ABCC6: variants seen among roughly 807,000 people sequenced by gnomAD.
ABCC6 encodes the protein ATP binding cassette subfamily C member 6.
A neutral mutation model predicts 169.5 loss-of-function variants in ABCC6; 126 were observed. That is an observed-to-expected ratio of 0.74 (90% CI 0.64 to 0.86). ABCC6 has a LOEUF of 0.86. ABCC6 is among the 40% of genes least tolerant of loss of function. ABCC6 has a pLI of 0.00. For missense variants in ABCC6, 1,733 were observed against 1,927.2 expected, an observed-to-expected ratio of 0.90 and a Z score of 1.89; for synonymous variants, 752 against 814.7, an observed-to-expected ratio of 0.92 and a Z score of 1.31.
At chr16:16,166,984 C>T (rs2046899275) in intron 22 of ABCC6, among the ~76,000 whole-genome samples, 1 of 152,240 alleles carries the variant, frequency 6.6e-6, no homozygotes, top group Non-Finnish European at 1.5e-5. Flanking sequence ...GACTTCAGGC[C>T]TCAGAACTGC....
Position 16,188,818 on chromosome 16 carries a change from G to A in ABCC6, c.1779+13C>T, listed in dbSNP as rs1246644136. 4.3e-6 allele frequency: 7 copies of A among 1,611,844 alleles called. No homozygotes were observed. Among genetic ancestry groups the A allele is most frequent in the Non-Finnish European group, 5.9e-6 (7 of 1,179,118 alleles). On this transcript the variant is annotated intron_variant, in intron 13 of 30. Transcript: ENST00000205557. ...CTCTCCCAGGATGGCTCCAGCCCTT[G>A]CACCCACCTCACCTGGACGAGGGAG...
intron 7 of ABCC6, among the ~76,000 whole-genome samples, chr16:16,207,026 G>C (rs1242853920): frequency 6.6e-6 from 1 of 152,208 alleles, no homozygotes; most frequent in African/African-American, 2.4e-5. Flanking sequence ...TGTGGTCCCA[G>C]CTACTCAGAA....
intron 17 of ABCC6, among the ~76,000 whole-genome samples, chr16:16,180,301 C>A (rs1480250586): frequency 1.3e-5 from 2 of 152,142 alleles, no homozygotes; most frequent in African/African-American, 4.8e-5. Flanking sequence ...ATGATCAAAT[C>A]AGGGTAACTG....
intron 21 of ABCC6, among the ~76,000 whole-genome samples, chr16:16,170,943 AAAG>A (rs869041943): frequency 0.11 from 9,854 of 91,610 alleles, 1,363 homozygotes; most frequent in South Asian, 0.14. Context: ...AAAAAAAAAG[AAAG>A]AAAGAAAGAA....
At position 16,178,950 on chromosome 16, in the gene ABCC6, C is replaced by T. The variant is rs72653787; in HGVS notation, c.2263G>A (p.Gly755Arg). The T allele has an allele frequency of 2.2e-5, 36 of 1,612,758 alleles. No homozygotes were observed. Among genetic ancestry groups the T allele is most frequent in the South Asian group, 9.9e-5 (9 of 91,056 alleles). Residue 755 changes from glycine to arginine, a missense_variant, in exon 18 of 31, where the codon GGA becomes AGA. Physicochemically the swap from Gly to Arg is moderately radical, Grantham distance 125. This residue lies in a region of ABCC6 where 1,601 missense variants were observed against 1,635.5 expected (regional missense o/e 0.98). Transcript: ENST00000205557. ...AGGCTCAGCCGCTGCTTCTGGCCTCCGGAGAGATTCATGCCCTGTGGCCAC... is the reference window on the plus strand; with the variant it reads ...AGGCTCAGCCGCTGCTTCTGGCCTCTGGAGAGATTCATGCCCTGTGGCCAC... ...SIGEQGMNLS[G>R]GQKQRLSLAR...
chr16:16,159,587 G>A lies in ABCC6; in HGVS notation c.3634-4C>T, dbSNP rs546587473. On this transcript the variant is annotated splice_polypyrimidine_tract_variant and splice_region_variant and intron_variant, in intron 25 of 30. Transcript: ENST00000205557. ...CCCACTGCAGTGTCTGGGTCACCTG[G>A]TGCAAGAAAGCCTCTCTGGCTGGGT... is the stretch of plus-strand genomic sequence containing the variant. 1.1e-5 allele frequency: 18 copies of A among 1,613,970 alleles called. No individual in the cohort carries two copies. In the African/African-American group the frequency reaches 2.0e-4, roughly 18 times the overall value.
At chr16:16,194,307 A>C (rs1438034748) in intron 10 of ABCC6, among the ~76,000 whole-genome samples, 1 of 152,236 alleles carries the variant, frequency 6.6e-6, no homozygotes, top group Non-Finnish European at 1.5e-5. Context: ...CATCATACAG[A>C]ATGCCCAGTT....
intron 26 of ABCC6, among the ~76,000 whole-genome samples, chr16:16,159,179 AC>A (rs1482279050): frequency 2.6e-5 from 4 of 152,008 alleles, no homozygotes; most frequent in Admixed American, 2.6e-4. Flanking sequence ...CCATTATGTT[AC>A]TATCATGTTG....
chr16:16,170,161 C>G (rs570638638), intron 21 of ABCC6, among the ~76,000 whole-genome samples: 1 of 151,290 alleles, frequency 6.6e-6, no homozygotes, highest in Non-Finnish European at 1.5e-5. Context: ...AGTACACTGG[C>G]ATGATCATGG....
In ABCC6 at chr16:16,165,485, C is replaced by T. The variant is rs2046844342; in HGVS notation, c.3306+138G>A. The T allele has an allele frequency of 6.9e-6, 6 of 867,876 alleles. No homozygotes were observed. The Admixed American group carries it at 7.1e-5, about 10-fold the overall frequency. 53.8% of individuals were successfully genotyped at this position (867,876 alleles called of 1,614,324 possible). ...GGAGATACCAGAAAGACTGTAGTGT[C>T]CCTGTCCCTGGGAATTCTAGGAACA... is the stretch of plus-strand genomic sequence containing the variant. On this transcript the variant is annotated intron_variant, in intron 23 of 30. Transcript: ENST00000205557.
At chr16:16,204,181 G>A (rs1422693483) in intron 7 of ABCC6, among the ~76,000 whole-genome samples, 1 of 151,802 alleles carries the variant, frequency 6.6e-6, no homozygotes, top group Non-Finnish European at 1.5e-5. Context: ...TCAGCCTCTC[G>A]AGTAGCTGGG....
At chr16:16,201,127 T>C (rs1304724966) in intron 9 of ABCC6, among the ~76,000 whole-genome samples, 1 of 152,136 alleles carries the variant, frequency 6.6e-6, no homozygotes, top group African/African-American at 2.4e-5. Context: ...CCACCATGCC[T>C]GGCTAATTTT....
chr16:16,167,616 C>T (rs573315322), intron 22 of ABCC6, among the ~76,000 whole-genome samples: 2 of 152,178 alleles, frequency 1.3e-5, no homozygotes, highest in South Asian at 4.1e-4. Context: ...ATTACAAACA[C>T]TGACACCATG....
At chr16:16,174,188 A>ACCCTTCAGCTACTTCAGCTTCAGC (rs2047197845) in intron 20 of ABCC6, among the ~76,000 whole-genome samples, 2 of 152,318 alleles carry the variant, frequency 1.3e-5, no homozygotes, top group Non-Finnish European at 1.5e-5. Context: ...TACATAGTGA[A>ACCCTTCAGCTACTTCAGCTTCAGC]CTGTAACCTA....
chr16:16,166,222 G>T (rs985954743), intron 22 of ABCC6, among the ~76,000 whole-genome samples: 5 of 152,046 alleles, frequency 3.3e-5, no homozygotes, highest in Non-Finnish European at 5.9e-5. Flanking sequence ...CTAATTTGGG[G>T]TATTTTTGTA....
intron 21 of ABCC6, 184 bp downstream of exon 21, chr16:16,173,100 T>C: frequency 2.9e-6 from 2 of 694,836 alleles, no homozygotes; most frequent in South Asian, 3.8e-5. Context: ...GAAATAGACC[T>C]ATCATATCTA....
intron 10 of ABCC6, among the ~76,000 whole-genome samples, chr16:16,194,526 T>C (rs2047971063): frequency 1.3e-5 from 2 of 152,168 alleles, no homozygotes; most frequent in Non-Finnish European, 2.9e-5. Context: ...CTGGAAAATG[T>C]GGAAGTGGGG....
intron 17 of ABCC6, among the ~76,000 whole-genome samples, chr16:16,179,623 C>T (rs973012542): frequency 6.6e-6 from 1 of 152,098 alleles, no homozygotes; most frequent in Admixed American, 6.6e-5. Context: ...GAGTTTTGCT[C>T]TTGTCACCCA....
intron 20 of ABCC6, among the ~76,000 whole-genome samples, chr16:16,174,769 C>T (rs910923648): frequency 2.2e-5 from 3 of 134,606 alleles, no homozygotes; most frequent in Admixed American, 7.3e-5. Context: ...AACCCCCCCC[C>T]GCAAAAAACA....
Sources: gnomAD v4.1 joint callset for allele counts (sites outside exome capture counted in the v4.1 genomes callset) on GRCh38, gnomAD v4.1.1 for gene constraint, gnomAD v4.1.1 regional missense constraint, MANE v1.5 for transcripts, NCBI Gene and HGNC (gene_info 2026-07-23, HGNC 2026-07-21) for gene names.